Variants in CLASP2 observed in about 807,000 individuals in gnomAD.
CLASP2 encodes cytoplasmic linker associated protein 2.
In CLASP2, 47 loss-of-function variants were observed where a neutral mutation model predicts 194.4. The observed-to-expected ratio is 0.24, with a 90% CI of 0.19 to 0.31. The LOEUF is 0.31. Among genes scored for constraint, CLASP2 ranks in the 10% least tolerant of loss-of-function variants. The pLI is 1.00. For missense variants in CLASP2, 1,445 were observed against 1,823.6 expected, an observed-to-expected ratio of 0.79 and a Z score of 3.78; for synonymous variants, 619 against 633.5, an observed-to-expected ratio of 0.98 and a Z score of 0.34.
chr3:33,703,038 C>T (rs1416495305), intron 1 of CLASP2, among the ~76,000 whole-genome samples: 1 of 151,998 alleles, frequency 6.6e-6, no homozygotes, highest in African/African-American at 2.4e-5. Context: ...TCTAATTGAC[C>T]TTGATGTGGC....
At chr3:33,685,688 C>G (rs2090572028) in intron 5 of CLASP2, among the ~76,000 whole-genome samples, 1 of 152,000 alleles carries the variant, frequency 6.6e-6, no homozygotes, top group African/African-American at 2.4e-5. Flanking sequence ...AGACATTATG[C>G]TAAATAAACA....
chr3:33,660,706 T>A (rs545750912), intron 7 of CLASP2, among the ~76,000 whole-genome samples: 2 of 152,342 alleles, frequency 1.3e-5, no homozygotes, highest in South Asian at 4.1e-4. Flanking sequence ...CAAAACAATT[T>A]ATTTTGCATA....
chr3:33,673,556 A>C (rs1438084334), intron 6 of CLASP2, among the ~76,000 whole-genome samples: 2 of 152,130 alleles, frequency 1.3e-5, no homozygotes, highest in Non-Finnish European at 2.9e-5. Flanking sequence ...ATAACCAGCT[A>C]ACATCATAAT....
intron 37 of CLASP2, among the ~76,000 whole-genome samples, chr3:33,509,730 G>A (rs1359486686): frequency 6.6e-6 from 1 of 152,100 alleles, no homozygotes; most frequent in East Asian, 1.9e-4. Context: ...TTTATTGGAT[G>A]GAAAGAGTTC....
chr3:33,683,157 G>C (rs2154344263), intron 6 of CLASP2: 1 of 152,134 alleles, frequency 6.6e-6, no homozygotes, highest in African/African-American at 2.4e-5. Context: ...CCCAAATAAT[G>C]ACTATTACCA....
chr3:33,638,334 TCG>T (rs1553628533), intron 8 of CLASP2, among the ~76,000 whole-genome samples: 13 of 152,146 alleles, frequency 8.5e-5, no homozygotes, highest in Middle Eastern at 3.2e-3. Context: ...AGATGGAGTC[TCG>T]CTCCGTCGCC....
At chr3:33,503,301 T>G (rs1012980168) in intron 37 of CLASP2, 1 of 152,220 alleles carries the variant, frequency 6.6e-6, no homozygotes, top group Non-Finnish European at 1.5e-5. Flanking sequence ...TTTTGGCTAC[T>G]GTGAATAGTG....
At chr3:33,519,400 T>C (rs1256194765) in intron 34 of CLASP2, among the ~76,000 whole-genome samples, 1 of 152,110 alleles carries the variant, frequency 6.6e-6, no homozygotes. Flanking sequence ...ACATAATCAA[T>C]AGGTATCAGA....
At chr3:33,667,639 T>G (rs1014619904) in intron 6 of CLASP2, among the ~76,000 whole-genome samples, 1 of 152,132 alleles carries the variant, frequency 6.6e-6, no homozygotes, top group East Asian at 1.9e-4. Flanking sequence ...TTTGGTTGTA[T>G]GATCCATTTT....
intron 23 of CLASP2, among the ~76,000 whole-genome samples, chr3:33,580,719 A>G (rs1317715266): frequency 6.6e-6 from 1 of 151,932 alleles, no homozygotes; most frequent in African/African-American, 2.4e-5. Context: ...ACACTGTGTT[A>G]AAGAAAAAAA....
intron 37 of CLASP2, among the ~76,000 whole-genome samples, chr3:33,507,858 A>C (rs1575627919): frequency 6.6e-6 from 1 of 151,392 alleles, no homozygotes; most frequent in African/African-American, 2.4e-5. Context: ...TGTTAGTCTA[A>C]CTCCTCCATT....
At chr3:33,625,498 C>T (rs886833494) in intron 10 of CLASP2, among the ~76,000 whole-genome samples, 5 of 148,496 alleles carry the variant, frequency 3.4e-5, no homozygotes, top group Non-Finnish European at 5.9e-5. Context: ...ACTGAATGAG[C>T]ACCATTTGTT....
chr3:33,675,281 A>G (rs2088311081), intron 6 of CLASP2, among the ~76,000 whole-genome samples: 1 of 152,174 alleles, frequency 6.6e-6, no homozygotes, highest in Non-Finnish European at 1.5e-5. Context: ...GGCTGGTTCA[A>G]TATATGCAAA....
chr3:33,524,308 CA>C (rs1488391446), intron 34 of CLASP2, among the ~76,000 whole-genome samples: 2 of 152,028 alleles, frequency 1.3e-5, no homozygotes, highest in African/African-American at 4.8e-5. Context: ...ATAGGTATAT[CA>C]ATAAGTAATA....
chr3:33,521,114 A>C (rs769868319), intron 34 of CLASP2, among the ~76,000 whole-genome samples: 10 of 152,174 alleles, frequency 6.6e-5, no homozygotes, highest in Non-Finnish European at 1.3e-4. Flanking sequence ...AATCAAGGGC[A>C]ATTTGAGCTT....
At chr3:33,684,335 A>AG (rs756950155) in intron 6 of CLASP2, 24 bp downstream of exon 6, 1 of 1,412,406 alleles carries the variant, frequency 7.1e-7, no homozygotes, top group South Asian at 1.3e-5. Flanking sequence ...AAAAAAAAAA[A>AG]GAACCAAATT....
chr3:33,644,864 C>T lies in CLASP2; in HGVS notation c.755G>A (p.Arg252Lys). Residue 252 changes from arginine to lysine, a missense_variant, in exon 8 of 39, where the codon AGG (arginine) becomes AAG (lysine). Transcript: ENST00000682230. The stretch of plus-strand genomic sequence containing the variant: ...GAAGGCTGATGCAGCTGATGATGGC[C>T]TATTTCCATCCACTGATTCTTCATC... ...FDDEESVDGN[R>K]PSSAASAFKV... The T allele has an allele frequency of 6.2e-7, 1 of 1,607,300 alleles. No homozygotes were observed. Among genetic ancestry groups the T allele is most frequent in the South Asian group, 1.1e-5 (1 of 89,726 alleles).
rs1259061619 is a variant in CLASP2, at chr3:33,506,377, CGAAAAAAAAA to C, written c.4317+4171_4317+4180del. Among the ~76,000 whole-genome samples, 6 of 61,890 alleles carry C rather than the reference CGAAAAAAAAA, an allele frequency of 9.7e-5. 1 individual carries two copies. Among genetic ancestry groups the C allele is most frequent in the South Asian group, 1.6e-3 (2 of 1,284 alleles). The allele number at this position is 61,890 out of a possible 152,430, so 40.6% of individuals were successfully genotyped here. On this transcript the variant is annotated intron_variant, in intron 37 of 38. Transcript: ENST00000682230. Reference sequence around the variant, plus strand: ...TGGGTGACAGAGTGAGACTCTGTCTCGAAAAAAAAAAAAAAAAAAAAAAAAAAAAGAATTT... The same window carrying C: ...TGGGTGACAGAGTGAGACTCTGTCTCAAAAAAAAAAAAAAAAAAAGAATTT...
At chr3:33,566,666 GA>G in intron 27 of CLASP2, 65 bp downstream of exon 27, 2 of 421,074 alleles carry the variant, frequency 4.7e-6, no homozygotes, top group Admixed American at 3.0e-5. Context: ...AGAAAATAGA[GA>G]AAAAGGGTTA....
Sources: allele counts gnomAD v4.1 joint callset (sites outside exome capture counted in the v4.1 genomes callset), GRCh38; gene constraint gnomAD v4.1.1; transcripts MANE v1.5; gene names NCBI Gene and HGNC (gene_info 2026-07-23, HGNC 2026-07-21).